The following METTL8 variants were observed in gnomAD, a reference collection of about 807,000 sequenced individuals.
METTL8 encodes the protein tRNA N(3)-cytidine methyltransferase METTL8, mitochondrial.
Under a neutral mutation model 48.7 loss-of-function variants are expected in METTL8, and 32 were observed. The ratio of observed to expected loss-of-function variants is 0.66; its 90% confidence interval spans 0.50 to 0.88. The LOEUF is 0.88. Among genes scored for constraint, METTL8 ranks in the 40% least tolerant of loss-of-function variants. The probability of loss-of-function intolerance (pLI) is 0.00; values close to 1 mark genes in which losing one functional copy is unlikely to be tolerated. For missense variants in METTL8, 464 were observed against 474.4 expected, an observed-to-expected ratio of 0.98 and a Z score of 0.20; for synonymous variants, 136 against 157.1, an observed-to-expected ratio of 0.87 and a Z score of 1.01.
Position 171,318,927 on chromosome 2 carries a change from C to G in METTL8, c.*5245G>C, listed in dbSNP as rs553831026. ...TAGATGTGGTATCCTGAGCAAGTTACCCAACATCTCTTCTGTAAATGGTTA... is the reference window on the plus strand; with the variant it reads ...TAGATGTGGTATCCTGAGCAAGTTAGCCAACATCTCTTCTGTAAATGGTTA... On this transcript the variant is annotated 3_prime_UTR_variant, in exon 10 of 10. Transcript: ENST00000375258. 1 of 151,874 alleles carries G rather than the reference C, an allele frequency of 6.6e-6. No individual in the cohort carries two copies. Among genetic ancestry groups the G allele is most frequent in the Non-Finnish European group, 1.5e-5 (1 of 67,990 alleles). 9.4% of individuals were successfully genotyped at this position (151,874 alleles called of 1,614,324 possible). A position where few individuals can be genotyped will look rare whatever the true frequency, so the allele number is the denominator to read the frequency against.
intron 5 of METTL8, among the ~76,000 whole-genome samples, chr2:171,336,863 CTTTT>C (rs71013037): frequency 2.3e-5 from 2 of 88,108 alleles, no homozygotes; most frequent in East Asian, 2.9e-4. Flanking sequence ...ATCACTTCCT[CTTTT>C]TTTTTTTTTT....
chr2:171,359,144 A>G (rs568969568), intron 3 of METTL8, among the ~76,000 whole-genome samples: 1 of 146,462 alleles, frequency 6.8e-6, no homozygotes, highest in African/African-American at 2.5e-5. Context: ...TCATCACTAT[A>G]CTCCAGACTG....
chr2:171,400,919 A>G (rs1689579390), intron 1 of METTL8, among the ~76,000 whole-genome samples: 1 of 152,154 alleles, frequency 6.6e-6, no homozygotes, highest in Non-Finnish European at 1.5e-5. Flanking sequence ...CTCCCCAAGG[A>G]TGATTCCCAG....
intron 3 of METTL8, among the ~76,000 whole-genome samples, chr2:171,354,595 C>T (rs933782321): frequency 2.0e-4 from 30 of 152,362 alleles, no homozygotes; most frequent in African/African-American, 6.7e-4. Context: ...TTCAGGTACA[C>T]CAATCAGACG....
intron 2 of METTL8, among the ~76,000 whole-genome samples, chr2:171,382,696 A>G (rs772911357): frequency 1.1e-4 from 16 of 152,262 alleles, no homozygotes; most frequent in Middle Eastern, 3.4e-3. Flanking sequence ...CATTCTGCAC[A>G]TGTATCCCGG....
intron 6 of METTL8, 55 bp downstream of exon 6, chr2:171,331,749 T>C (rs1230874479): frequency 1.5e-6 from 2 of 1,352,002 alleles, no homozygotes; most frequent in Non-Finnish European, 2.1e-6. Flanking sequence ...CAACTTTTAT[T>C]GTTCTGGGGT....
At position 171,324,275 on chromosome 2, in the gene METTL8, T is replaced by G. The variant is rs1391381694; in HGVS notation, c.1121A>C (p.Gln374Pro). The part of the protein sequence containing the change: ...DRRLQVNRKK[Q>P]VKMHRVWIQG... Reference sequence around the variant, plus strand: ...AATCCACACTCGGTGCATTTTCACTTGTTTTTTCCTATTAACTTGTAAGCG... The same window carrying G: ...AATCCACACTCGGTGCATTTTCACTGGTTTTTTCCTATTAACTTGTAAGCG... The change falls in exon 10 of 10, where the codon CAA (glutamine) becomes CCA (proline). Residue 374 changes from glutamine to proline, a missense_variant. Transcript: ENST00000375258. 6.4e-7 allele frequency: 1 copy of G among 1,551,652 alleles called. No homozygotes were observed. Among genetic ancestry groups the G allele is most frequent in the Admixed American group, 2.0e-5 (1 of 50,994 alleles).
chr2:171,374,667 C>T (rs1409144276), intron 2 of METTL8, among the ~76,000 whole-genome samples: 1 of 151,762 alleles, frequency 6.6e-6, no homozygotes. Context: ...CCCTTCTCCC[C>T]ACTCACCTCC....
At chr2:171,430,775 G>A (rs1372238659) in intron 1 of METTL8, among the ~76,000 whole-genome samples, 1 of 152,160 alleles carries the variant, frequency 6.6e-6, no homozygotes, top group Non-Finnish European at 1.5e-5. Flanking sequence ...CTAGCTACAT[G>A]TCCTGGATAA....
intron 3 of METTL8, among the ~76,000 whole-genome samples, chr2:171,339,927 G>A (rs981206797): frequency 2.6e-5 from 4 of 152,316 alleles, no homozygotes; most frequent in East Asian, 1.9e-4. Flanking sequence ...GTCCAGGCGC[G>A]GTGGCTCATG....
At position 171,433,959 on chromosome 2, in the gene METTL8, G is replaced by A. The variant is rs954380654; in HGVS notation, c.-89C>T. Reference sequence around the variant, plus strand: ...CCCGGCACCTGGCCAGAACCTCCCAGGGCGAAGGTCGGGGCCGAGAAGCTT... The same window carrying A: ...CCCGGCACCTGGCCAGAACCTCCCAAGGCGAAGGTCGGGGCCGAGAAGCTT... On this transcript the variant is annotated 5_prime_UTR_variant, in exon 1 of 10. Transcript: ENST00000375258. 9.8e-6 allele frequency: 2 copies of A among 203,154 alleles called. No individual in the cohort carries two copies. Among genetic ancestry groups the A allele is most frequent in the African/African-American group, 2.4e-5 (1 of 41,656 alleles). The allele number at this position is 203,154 out of a possible 1,614,324, so 12.6% of individuals were successfully genotyped here. A position where few individuals can be genotyped will look rare whatever the true frequency, so the allele number is the denominator to read the frequency against.
intron 3 of METTL8, among the ~76,000 whole-genome samples, chr2:171,358,126 G>A (rs751789182): frequency 4.6e-5 from 7 of 152,014 alleles, no homozygotes; most frequent in East Asian, 1.9e-4. Context: ...AGAGGTGGGC[G>A]GATCATCTGA....
At position 171,375,285 on chromosome 2, in the gene METTL8, G is replaced by A. The variant is rs571857206; in HGVS notation, c.144-14772C>T. ...TCCTTCTTTTCTTTGTCATCTTGGA[G>A]GCACGGACCAGAGATATATGTTTAT... On this transcript the variant is annotated intron_variant, in intron 2 of 9. Transcript: ENST00000375258. The A allele has an allele frequency of 3.8e-5, 32 of 849,632 alleles. No homozygotes were observed. The South Asian group carries it at 4.0e-4, about 11-fold the overall frequency. The allele number at this position is 849,632 out of a possible 1,614,324, so 52.6% of individuals were successfully genotyped here.
intron 3 of METTL8, among the ~76,000 whole-genome samples, chr2:171,344,999 T>C (rs540571200): frequency 6.6e-6 from 1 of 152,300 alleles, no homozygotes; most frequent in South Asian, 2.1e-4. Context: ...CGTGGAGAAA[T>C]CTGCCCTGTC....
chr2:171,370,229 G>A (rs976354983), intron 2 of METTL8, among the ~76,000 whole-genome samples: 7 of 152,120 alleles, frequency 4.6e-5, no homozygotes, highest in African/African-American at 1.7e-4. Flanking sequence ...TTTTCTTTCT[G>A]TTTTCTTTGG....
intron 3 of METTL8, among the ~76,000 whole-genome samples, chr2:171,359,026 C>A (rs1349329477): frequency 6.6e-6 from 1 of 151,996 alleles, no homozygotes; most frequent in African/African-American, 2.4e-5. Context: ...CAGTGGCTCA[C>A]TCCTGTAATA....
rs1420622072 is a variant in METTL8, at chr2:171,318,928, C to T, written c.*5244G>A. Reference sequence around the variant, plus strand: ...AGATGTGGTATCCTGAGCAAGTTACCCAACATCTCTTCTGTAAATGGTTAT... The same window carrying T: ...AGATGTGGTATCCTGAGCAAGTTACTCAACATCTCTTCTGTAAATGGTTAT... On this transcript the variant is annotated 3_prime_UTR_variant, in exon 10 of 10. Transcript: ENST00000375258. 6.6e-6 allele frequency: 1 copy of T among 151,782 alleles called. No individual in the cohort carries two copies. Among genetic ancestry groups the T allele is most frequent in the African/African-American group, 2.4e-5 (1 of 41,276 alleles). 9.4% of individuals were successfully genotyped at this position (151,782 alleles called of 1,614,324 possible). A position where few individuals can be genotyped will look rare whatever the true frequency, so the allele number is the denominator to read the frequency against.
chr2:171,341,099 G>C (rs1435295664), intron 3 of METTL8, among the ~76,000 whole-genome samples: 1 of 151,972 alleles, frequency 6.6e-6, no homozygotes, highest in Non-Finnish European at 1.5e-5. Context: ...GGAGGCCGAG[G>C]CGGGCGGATC....
intron 2 of METTL8, among the ~76,000 whole-genome samples, chr2:171,382,937 G>C (rs1341995687): frequency 6.6e-6 from 1 of 151,986 alleles, no homozygotes; most frequent in Non-Finnish European, 1.5e-5. Context: ...AGCCAGGTGT[G>C]GTGGCGGGCG....
Sources: gnomAD v4.1 joint callset for allele counts (sites outside exome capture counted in the v4.1 genomes callset) on GRCh38, gnomAD v4.1.1 for gene constraint, MANE v1.5 for transcripts, NCBI Gene and HGNC (gene_info 2026-07-23, HGNC 2026-07-21) for gene names.